Variants in UBXN7 observed in about 807,000 individuals in gnomAD.
UBXN7 encodes the protein UBX domain-containing protein 7.
Under a neutral mutation model 58.0 loss-of-function variants are expected in UBXN7, and 9 were observed. That is an observed-to-expected ratio of 0.16 (90% CI 0.09 to 0.27). UBXN7 has a LOEUF of 0.27. Ranked by LOEUF, UBXN7 falls within the 10% of genes least tolerant of loss-of-function variation. The probability of loss-of-function intolerance (pLI) is 1.00; values close to 1 mark genes in which losing one functional copy is unlikely to be tolerated. For synonymous variants in UBXN7, 208 were observed against 205.0 expected (o/e 1.01, Z -0.12); for missense variants, 328 against 599.6 (o/e 0.55, Z 4.73).
intron 5 of UBXN7, among the ~76,000 whole-genome samples, chr3:196,380,555 A>G (rs1446751750): frequency 6.6e-6 from 1 of 152,224 alleles, no homozygotes; most frequent in African/African-American, 2.4e-5. Flanking sequence ...AGCTCCCAGC[A>G]TGATCAATGC....
chr3:196,426,385 CA>C (rs58979892), intron 1 of UBXN7, among the ~76,000 whole-genome samples: 163 of 114,130 alleles, frequency 1.4e-3, no homozygotes, highest in Admixed American at 1.5e-3. Context: ...GACTTCGTCT[CA>C]AAAAAAAAAA....
At chr3:196,396,720 A>G (rs1206122349) in intron 3 of UBXN7, among the ~76,000 whole-genome samples, 2 of 152,128 alleles carry the variant, frequency 1.3e-5, no homozygotes, top group East Asian at 3.9e-4. Context: ...CTGAGATCGC[A>G]CCACTGCACT....
chr3:196,358,713 C>T lies in UBXN7; in HGVS notation c.1309-1867G>A, dbSNP rs577925177. On this transcript the variant is annotated intron_variant, in intron 10 of 10. Coordinates refer to ENST00000296328, the MANE Select transcript of UBXN7 (RefSeq NM_015562.2). ...CTGAGATTGGGCCACTGCACTCCAG[C>T]CTGAGCGACAGAGCGACCCTGTCTC... Among the ~76,000 whole-genome samples, 7 of 152,298 alleles carry T rather than the reference C, an allele frequency of 4.6e-5. No homozygotes were observed. The South Asian group carries it at 1.2e-3, about 27-fold the overall frequency.
At chr3:196,416,691 T>G (rs1274713456) in intron 1 of UBXN7, among the ~76,000 whole-genome samples, 6 of 152,192 alleles carry the variant, frequency 3.9e-5, no homozygotes. Flanking sequence ...TTATGCTACC[T>G]AAAATACTTC....
intron 1 of UBXN7, among the ~76,000 whole-genome samples, chr3:196,417,322 T>G (rs1730529209): frequency 6.6e-6 from 1 of 151,164 alleles, no homozygotes; most frequent in Admixed American, 6.6e-5. Flanking sequence ...GAAAACTAAA[T>G]AAATAAATCA....
intron 5 of UBXN7, among the ~76,000 whole-genome samples, chr3:196,385,095 C>G (rs184921445): frequency 6.6e-6 from 1 of 152,216 alleles, no homozygotes; most frequent in Non-Finnish European, 1.5e-5. Flanking sequence ...CTCACTGCAA[C>G]CTCCCTGCCT....
At chr3:196,424,727 C>T (rs1386099220) in intron 1 of UBXN7, among the ~76,000 whole-genome samples, 2 of 119,972 alleles carry the variant, frequency 1.7e-5, no homozygotes, top group African/African-American at 3.2e-5. Flanking sequence ...TTTTTTGAGA[C>T]AGAGTCTCGC....
At position 196,353,493 on chromosome 3, in the gene UBXN7, T is replaced by C. The variant is rs1476041974; in HGVS notation, c.*3192A>G. The C allele has an allele frequency of 6.6e-6, 1 of 151,632 alleles. No individual in the cohort carries two copies. Among genetic ancestry groups the C allele is most frequent in the Non-Finnish European group, 1.5e-5 (1 of 67,902 alleles). The allele number at this position is 151,632 out of a possible 1,614,324, so 9.4% of individuals were successfully genotyped here. The stretch of plus-strand genomic sequence containing the variant: ...TAGTTTTCTTCTTCTTCTTCTTTTT[T>C]TTTTTTAAATTTGAGATGGAGTGTC... On this transcript the variant is annotated 3_prime_UTR_variant, in exon 11 of 11. Transcript: ENST00000296328.
intron 1 of UBXN7, among the ~76,000 whole-genome samples, chr3:196,410,322 C>T (rs946476885): frequency 6.6e-6 from 1 of 152,142 alleles, no homozygotes; most frequent in Non-Finnish European, 1.5e-5. Flanking sequence ...CTCTACATTA[C>T]CCTTACTGCA....
Position 196,359,151 on chromosome 3 carries a change from G to A in UBXN7, c.1309-2305C>T, listed in dbSNP as rs532547271. Reference sequence around the variant, plus strand: ...TTCAAACAGCATGTGCTCACTGCCTGTCTCTGTGTCACCTTTTGGTAATGC... The same window carrying A: ...TTCAAACAGCATGTGCTCACTGCCTATCTCTGTGTCACCTTTTGGTAATGC... On this transcript the variant is annotated intron_variant, in intron 10 of 10. Transcript: ENST00000296328. Among the ~76,000 whole-genome samples, 8 of 152,212 alleles carry A rather than the reference G, an allele frequency of 5.3e-5. No individual in the cohort carries two copies. The South Asian group carries it at 1.2e-3, about 24-fold the overall frequency.
intron 1 of UBXN7, among the ~76,000 whole-genome samples, chr3:196,413,889 T>C (rs1385441425): frequency 1.3e-5 from 2 of 152,198 alleles, no homozygotes; most frequent in Non-Finnish European, 2.9e-5. Context: ...TAGCACCTAA[T>C]ACAATGTAAA....
chr3:196,429,524 C>A (rs906830395), intron 1 of UBXN7, among the ~76,000 whole-genome samples: 2 of 151,860 alleles, frequency 1.3e-5, no homozygotes, highest in African/African-American at 4.8e-5. Context: ...AGTAAGGACT[C>A]ACATTTTTGA....
chr3:196,364,802 T>C (rs1434460433), intron 8 of UBXN7, among the ~76,000 whole-genome samples: 2 of 150,816 alleles, frequency 1.3e-5, no homozygotes, highest in Non-Finnish European at 3.0e-5. Flanking sequence ...GCTCAAGCAA[T>C]CCTCCCACCT....
chr3:196,369,707 T>C (rs547983506), intron 6 of UBXN7, among the ~76,000 whole-genome samples, 196 bp from the exon 7 acceptor site: 28 of 152,300 alleles, frequency 1.8e-4, no homozygotes, highest in African/African-American at 6.3e-4. Context: ...CTCTGGAAAT[T>C]TACCATAAAC....
chr3:196,401,670 C>T (rs1276585186), intron 3 of UBXN7, among the ~76,000 whole-genome samples: 4 of 147,274 alleles, frequency 2.7e-5, no homozygotes, highest in South Asian at 2.2e-4. Flanking sequence ...GGCTCGCTCC[C>T]GTAATCCCAG....
intron 8 of UBXN7, 107 bp downstream of exon 8, chr3:196,367,921 G>A (rs1728714877): frequency 6.9e-7 from 1 of 1,439,038 alleles, no homozygotes; most frequent in Non-Finnish European, 9.4e-7. Context: ...AGTGATAGTT[G>A]TCCACTAGTT....
At chr3:196,398,762 G>T (rs1290212620) in intron 3 of UBXN7, among the ~76,000 whole-genome samples, 1 of 152,040 alleles carries the variant, frequency 6.6e-6, no homozygotes, top group Non-Finnish European at 1.5e-5. Context: ...CTCCTGAGTA[G>T]CTGGGACTAC....
intron 5 of UBXN7, among the ~76,000 whole-genome samples, chr3:196,390,830 A>C (rs1729560491): frequency 6.6e-6 from 1 of 152,204 alleles, no homozygotes; most frequent in South Asian, 2.1e-4. Flanking sequence ...TCAACACGAA[A>C]AGGCAAGCTG....
At chr3:196,390,000 T>C (rs1729527190) in intron 5 of UBXN7, among the ~76,000 whole-genome samples, 1 of 152,082 alleles carries the variant, frequency 6.6e-6, no homozygotes. Context: ...GAAGGATCAC[T>C]TGACACCAGG....
Sources: gnomAD v4.1 joint callset for allele counts (sites outside exome capture counted in the v4.1 genomes callset) on GRCh38, gnomAD v4.1.1 for gene constraint, MANE v1.5 for transcripts, NCBI Gene and HGNC (gene_info 2026-07-23, HGNC 2026-07-21) for gene names.